The following SIPA1L1 variants were observed in gnomAD, a reference collection of about 807,000 sequenced individuals.
SIPA1L1 encodes the protein signal induced proliferation associated 1 like 1.
In SIPA1L1, 26 loss-of-function variants were observed where a neutral mutation model predicts 162.7. That is an observed-to-expected ratio of 0.16 (90% confidence interval 0.12 to 0.22). The LOEUF (loss-of-function observed/expected upper bound fraction) is 0.22, where lower values mean the gene tolerates loss of function less well. Ranked by LOEUF, SIPA1L1 falls within the 10% of genes least tolerant of loss-of-function variation. SIPA1L1 has a pLI of 1.00. For synonymous variants in SIPA1L1, 829 were observed against 837.4 expected (o/e 0.99, Z 0.17); for missense variants, 1,874 against 2,241.0 (o/e 0.84, Z 3.31).
chr14:71,433,127 G>A (rs138634509), intron 2 of SIPA1L1, among the ~76,000 whole-genome samples: 23 of 152,336 alleles, frequency 1.5e-4, no homozygotes, highest in African/African-American at 5.3e-4. Context: ...CTGCTGTATA[G>A]TGTTAGAGCT....
chr14:71,518,910 C>T (rs572457448), intron 3 of SIPA1L1, among the ~76,000 whole-genome samples: 4 of 152,198 alleles, frequency 2.6e-5, no homozygotes, highest in East Asian at 1.9e-4. Context: ...TCTTACATGG[C>T]GGCGGCAAGA....
At chr14:71,616,812 C>A (rs186287945) in intron 5 of SIPA1L1, among the ~76,000 whole-genome samples, 159 of 152,174 alleles carry the variant, frequency 1.0e-3, no homozygotes, top group African/African-American at 3.5e-3. Flanking sequence ...GAGTTGCTGA[C>A]CAGGGAAAGC....
rs550985365 is a variant in SIPA1L1, at chr14:71,618,850, C to A, written c.1592C>A (p.Ser531Tyr). 1.9e-6 allele frequency: 3 copies of A among 1,613,736 alleles called. No homozygotes were observed. Among genetic ancestry groups the A allele is most frequent in the Non-Finnish European group, 2.5e-6 (3 of 1,179,854 alleles). Residue 531 changes from serine to tyrosine, a missense_variant, in exon 6 of 24, where the codon TCT becomes TAT. Physicochemically the swap from Ser to Tyr is moderately radical, Grantham distance 144 (BLOSUM62 -2). This residue lies in a region of SIPA1L1 where 685 missense variants were observed against 828.0 expected (regional missense o/e 0.83). Transcript: ENST00000381232. ...EKPDEMKENG[S>Y]PYNYRIIFRT... ...CCAGATGAAATGAAAGAAAATGGAT[C>A]TCCGTACAACTACCGAATAATTTTT...
At chr14:71,388,477 G>A (rs2040507401) in intron 2 of SIPA1L1, among the ~76,000 whole-genome samples, 1 of 152,192 alleles carries the variant, frequency 6.6e-6, no homozygotes. Context: ...TTCATAGCCT[G>A]GGGAAATGCT....
chr14:71,672,339 C>T lies in SIPA1L1; in HGVS notation c.2830-9C>T. 6.2e-7 allele frequency: 1 copy of T among 1,613,400 alleles called. No homozygotes were observed. Among genetic ancestry groups the T allele is most frequent in the Non-Finnish European group, 8.5e-7 (1 of 1,179,402 alleles). ...TTTAAACCACAGTATCTTTTATTTC[C>T]TTGTCTAGTTTGTTTCAAAAGGCTG... On this transcript the variant is annotated splice_polypyrimidine_tract_variant and intron_variant, in intron 11 of 23. Transcript: ENST00000381232.
intron 4 of SIPA1L1, among the ~76,000 whole-genome samples, chr14:71,542,311 CTCCTCT>C (rs2054471736): frequency 2.0e-5 from 3 of 149,844 alleles, no homozygotes; most frequent in Admixed American, 1.3e-4. Context: ...CTTCCTCCTC[CTCCTCT>C]TCCTCCTCTT....
In SIPA1L1 at chr14:71,377,802, C is replaced by A. The variant is rs1157963117; in HGVS notation, c.-465+56621C>A. Among the ~76,000 whole-genome samples, 1 of 152,220 alleles carries A rather than the reference C, an allele frequency of 6.6e-6. No individual in the cohort carries two copies. The highest frequency in any genetic ancestry group is 2.4e-5 in the African/African-American group (1 of 41,464). ...CCAGTCCGGCCAACACGGCGAAACC[C>A]CGTCTCCACCAAAAAATACAAAAAC... On this transcript the variant is annotated intron_variant, in intron 2 of 23. Coordinates refer to ENST00000381232, the MANE Select transcript of SIPA1L1 (RefSeq NM_001386936.1). The surrounding 1 kb of genome is among the most constrained non-coding windows in gnomAD (Gnocchi z 4.8).
At chr14:71,388,870 G>C (rs1392573749) in intron 2 of SIPA1L1, among the ~76,000 whole-genome samples, 1 of 152,182 alleles carries the variant, frequency 6.6e-6, no homozygotes, top group East Asian at 1.9e-4. Flanking sequence ...AGAACTTTCT[G>C]AGGTTTGTTG....
chr14:71,653,332 T>C (rs2042785533), intron 8 of SIPA1L1, among the ~76,000 whole-genome samples: 1 of 152,174 alleles, frequency 6.6e-6, no homozygotes, highest in Non-Finnish European at 1.5e-5. Flanking sequence ...GTTCTTTCCC[T>C]AATATTTTGT....
chr14:71,349,725 G>C (rs1024736290), intron 2 of SIPA1L1, among the ~76,000 whole-genome samples: 2 of 152,148 alleles, frequency 1.3e-5, no homozygotes, highest in Non-Finnish European at 2.9e-5. Context: ...GTGGGTTCCT[G>C]GTACTCCTGC....
At chr14:71,530,071 A>G (rs1336081352) in intron 4 of SIPA1L1, among the ~76,000 whole-genome samples, 1 of 152,216 alleles carries the variant, frequency 6.6e-6, no homozygotes, top group Non-Finnish European at 1.5e-5. Context: ...TTGAGCCAAT[A>G]CATTTCCTTT....
chr14:71,530,272 C>G (rs905195455), intron 4 of SIPA1L1, among the ~76,000 whole-genome samples: 1 of 152,132 alleles, frequency 6.6e-6, no homozygotes, highest in Non-Finnish European at 1.5e-5. Flanking sequence ...TCACTCTTAA[C>G]AGTTAGCAGG....
intron 15 of SIPA1L1, 120 bp from the exon 16 acceptor site, chr14:71,705,102 T>G: frequency 1.3e-6 from 1 of 744,060 alleles, no homozygotes; most frequent in East Asian, 2.5e-5. Context: ...AGCTTACTGC[T>G]GAAATGCAGA....
chr14:71,448,105 A>G (rs959542693), intron 2 of SIPA1L1, among the ~76,000 whole-genome samples: 2 of 152,184 alleles, frequency 1.3e-5, no homozygotes, highest in Non-Finnish European at 2.9e-5. Context: ...TCCGTTTTGT[A>G]GATGAGGAAA....
Position 71,543,930 on chromosome 14 carries a change from T to C in SIPA1L1, c.-303+14560T>C, listed in dbSNP as rs191848965. Among the ~76,000 whole-genome samples the C allele has an allele frequency of 1.5e-4, 21 of 136,776 alleles. 1 individual carries two copies. The highest frequency in any genetic ancestry group is 4.7e-4 in the East Asian group (2 of 4,224). 89.7% of individuals were successfully genotyped at this position (136,776 alleles called of 152,430 possible). ...TGTATATATACATATATCATACGTA[T>C]ATGTGTGTATATATACATATACGCA... On this transcript the variant is annotated intron_variant, in intron 4 of 23. Transcript: ENST00000381232.
intron 7 of SIPA1L1, among the ~76,000 whole-genome samples, chr14:71,638,046 G>GA (rs1271083303): frequency 1.3e-5 from 2 of 152,044 alleles, no homozygotes; most frequent in Admixed American, 1.3e-4. Flanking sequence ...TATGATTATT[G>GA]AAAAAAATTG....
intron 2 of SIPA1L1, among the ~76,000 whole-genome samples, chr14:71,373,035 G>C (rs566844015): frequency 6.6e-6 from 1 of 152,238 alleles, no homozygotes; most frequent in South Asian, 2.1e-4. Context: ...TGTTGGGCTG[G>C]GTGCAGTGGC....
chr14:71,350,557 G>C (rs1298603110), intron 2 of SIPA1L1, among the ~76,000 whole-genome samples: 1 of 152,128 alleles, frequency 6.6e-6, no homozygotes, highest in East Asian at 1.9e-4. Context: ...GCCCTGGAAA[G>C]ATTTTAAATA....
At chr14:71,550,495 A>C (rs1457718653) in intron 4 of SIPA1L1, among the ~76,000 whole-genome samples, 7 of 152,160 alleles carry the variant, frequency 4.6e-5, no homozygotes, top group Non-Finnish European at 1.0e-4. Flanking sequence ...GAGTCAAAAC[A>C]TGGAGTTCAA....
Sources: allele counts gnomAD v4.1 joint callset (sites outside exome capture counted in the v4.1 genomes callset), GRCh38; gene constraint gnomAD v4.1.1; regional missense constraint gnomAD v4.1.1; non-coding constraint Gnocchi (gnomAD v3.1); transcripts MANE v1.5; gene names NCBI Gene and HGNC (gene_info 2026-07-23, HGNC 2026-07-21).